Variants in ZNF624 observed in about 807,000 individuals in gnomAD.
ZNF624 encodes the protein zinc finger protein 624.
Under a neutral mutation model 74.7 loss-of-function variants are expected in ZNF624, and 43 were observed. The ratio of observed to expected loss-of-function variants is 0.58; its 90% confidence interval spans 0.45 to 0.74. The LOEUF is 0.74. Ranked by LOEUF, ZNF624 falls within the 30% of genes least tolerant of loss-of-function variation. The pLI is 0.00. For missense variants in ZNF624, 820 were observed against 1,030.0 expected, an observed-to-expected ratio of 0.80 and a Z score of 2.79; for synonymous variants, 331 against 341.3, an observed-to-expected ratio of 0.97 and a Z score of 0.33.
At position 16,622,442 on chromosome 17, in the gene ZNF624, T is replaced by A; in HGVS notation, c.2444A>T (p.Lys815Ile). 6.2e-7 allele frequency: 1 copy of A among 1,614,066 alleles called. No homozygotes were observed. The highest frequency in any genetic ancestry group is 8.5e-7 in the Non-Finnish European group (1 of 1,179,936). ...AAAGTCTGAGTTAGTTCTGAAGGCT[T>A]TTCCACATTCTTCACATTTATAGGG... is the stretch of plus-strand genomic sequence containing the variant. ...ERPYKCEECGKAFRTNSDFTV... is the reference protein window; with the variant it reads ...ERPYKCEECGIAFRTNSDFTV... The change falls in exon 6 of 6, where the codon AAA becomes ATA. Residue 815 changes from lysine (K) to isoleucine (I), a missense_variant. Lys to Ile is a moderately radical substitution (Grantham distance 102). Transcript: ENST00000311331.
In ZNF624 at chr17:16,647,390, G is replaced by C; in HGVS notation, c.92C>G (p.Pro31Arg). The C allele has an allele frequency of 6.2e-7, 1 of 1,614,030 alleles. No homozygotes were observed. Among genetic ancestry groups the C allele is most frequent in the East Asian group, 2.2e-5 (1 of 44,882 alleles). ...ATCTTCATCTGGCTGGGTAACTTCA[G>C]GGCTCTGATGGGATACAGGATAAGA... Reference protein sequence around the residue: ...AVFFSVGRLSPEVTQPDEDLH... With the variant: ...AVFFSVGRLSREVTQPDEDLH... The change falls in exon 3 of 6, where the codon CCT becomes CGT. Residue 31 changes from proline (P) to arginine (R), a missense_variant. Transcript: ENST00000311331.
chr17:16,653,290 T>C (rs962076965), intron 1 of ZNF624, among the ~76,000 whole-genome samples: 6 of 152,240 alleles, frequency 3.9e-5, no homozygotes, highest in African/African-American at 1.4e-4. Context: ...CCTAGTTCCA[T>C]CCCTGCCAGT....
intron 5 of ZNF624, among the ~76,000 whole-genome samples, chr17:16,633,362 A>G (rs1032659235): frequency 3.3e-5 from 5 of 152,200 alleles, no homozygotes; most frequent in African/African-American, 1.2e-4. Flanking sequence ...TTGTATTAGC[A>G]ATTAGTTAAA....
intron 5 of ZNF624, among the ~76,000 whole-genome samples, chr17:16,627,578 CTG>C (rs1279743160): frequency 6.6e-6 from 1 of 152,138 alleles, no homozygotes; most frequent in African/African-American, 2.4e-5. Flanking sequence ...CTTCAAATGC[CTG>C]TTAATTCTCT....
chr17:16,649,839 T>A, intron 1 of ZNF624, 93 bp from the exon 2 acceptor site: 2 of 941,032 alleles, frequency 2.1e-6, no homozygotes, highest in Non-Finnish European at 3.4e-6. Flanking sequence ...GAGCATGACC[T>A]CCCTAAGGAA....
chr17:16,649,576 T>G (rs1002603644), intron 2 of ZNF624, 82 bp downstream of exon 2: 1 of 1,266,688 alleles, frequency 7.9e-7, no homozygotes, highest in Non-Finnish European at 1.1e-6. Context: ...TCGGGGGAAG[T>G]AGAGAAGTCG....
At chr17:16,635,555 T>A (rs1909308616) in intron 3 of ZNF624, among the ~76,000 whole-genome samples, 1 of 152,150 alleles carries the variant, frequency 6.6e-6, no homozygotes, top group Non-Finnish European at 1.5e-5. Flanking sequence ...AGAGAGGAAC[T>A]ATTTTGAGTG....
At chr17:16,644,340 A>C (rs577887089) in intron 3 of ZNF624, among the ~76,000 whole-genome samples, 1 of 152,314 alleles carries the variant, frequency 6.6e-6, no homozygotes, top group Non-Finnish European at 1.5e-5. Context: ...TTATTCAGAA[A>C]CTGAACTTTG....
At chr17:16,626,201 T>G (rs1002774726) in intron 5 of ZNF624, among the ~76,000 whole-genome samples, 10 of 152,218 alleles carry the variant, frequency 6.6e-5, no homozygotes, top group Non-Finnish European at 1.5e-4. Flanking sequence ...TCCACCCTCC[T>G]CGGCCTTCCA....
At chr17:16,648,692 T>C (rs1438888820) in intron 2 of ZNF624, among the ~76,000 whole-genome samples, 1 of 152,244 alleles carries the variant, frequency 6.6e-6, no homozygotes, top group Non-Finnish European at 1.5e-5. Flanking sequence ...TCTGAATCTA[T>C]TTTAAAGTCA....
At position 16,623,407 on chromosome 17, in the gene ZNF624, A is replaced by G. The variant is rs750858099; in HGVS notation, c.1479T>C (p.Thr493=). The change falls in exon 6 of 6, where the codon ACT becomes ACC. Residue 493 remains threonine, a synonymous_variant. Transcript: ENST00000311331. The surrounding 1 kb of genome is among the most constrained non-coding windows in gnomAD (Gnocchi z 5.3). The part of the protein sequence containing the change: ...SNSSLIVHIR[T]HTGEKPYECN... ...ATTCATAGGGTTTTTCCCCAGTGTG[A>G]GTTCTTATATGTACGATAAGGCTTG... 1.2e-6 allele frequency: 2 copies of G among 1,613,936 alleles called. No homozygotes were observed. The highest frequency in any genetic ancestry group is 1.7e-5 in the Admixed American group (1 of 60,022).
At chr17:16,636,554 G>C (rs971669675) in intron 3 of ZNF624, among the ~76,000 whole-genome samples, 4 of 152,110 alleles carry the variant, frequency 2.6e-5, no homozygotes, top group Non-Finnish European at 5.9e-5. Context: ...AAAAATCTCA[G>C]GGCCGGGCGC....
At chr17:16,620,303 A>T (rs187845178), downstream of ZNF624, among the ~76,000 whole-genome samples, 2 of 152,296 alleles carry the variant, frequency 1.3e-5, no homozygotes, top group East Asian at 3.9e-4. Flanking sequence ...AGAACTTCCA[A>T]GCCCTCATTT....
chr17:16,617,113 G>C (rs1908806903), downstream of ZNF624: 3 of 1,612,994 alleles, frequency 1.9e-6, no homozygotes, highest in Admixed American at 3.3e-5. Context: ...ATGTGAATGG[G>C]AGCCCCGATC....
At position 16,642,914 on chromosome 17, in the gene ZNF624, G is replaced by C. The variant is rs931831421; in HGVS notation, c.153+4415C>G. Reference sequence around the variant, plus strand: ...ACAAGTGGCCAATAAGTATGCTCAAGAGAAGATGCTGGAAGTTCTTAGTAA... The same window carrying C: ...ACAAGTGGCCAATAAGTATGCTCAACAGAAGATGCTGGAAGTTCTTAGTAA... On this transcript the variant is annotated intron_variant, in intron 3 of 5. Coordinates refer to ENST00000311331, the MANE Select transcript of ZNF624 (RefSeq NM_020787.4). Among the ~76,000 whole-genome samples the C allele has an allele frequency of 2.0e-4, 30 of 152,182 alleles. 2 individuals are homozygous for C. Among genetic ancestry groups the C allele is most frequent in the Non-Finnish European group, 1.5e-5 (1 of 68,012 alleles).
chr17:16,628,636 A>C (rs1450904534), intron 5 of ZNF624, among the ~76,000 whole-genome samples: 2 of 152,194 alleles, frequency 1.3e-5, no homozygotes, highest in Non-Finnish European at 2.9e-5. Context: ...ACGTTAGAAA[A>C]GCAGAAGAGA....
At chr17:16,617,885 C>G, downstream of ZNF624, 4 of 1,578,374 alleles carry the variant, frequency 2.5e-6, no homozygotes, top group Non-Finnish European at 3.5e-6. Context: ...GCGGCATGTC[C>G]GTGGCGGGCG....
intron 5 of ZNF624, among the ~76,000 whole-genome samples, chr17:16,633,324 A>T (rs1312275714): frequency 6.6e-6 from 1 of 152,236 alleles, no homozygotes; most frequent in Non-Finnish European, 1.5e-5. Context: ...CATCAATACT[A>T]TATTTTGATT....
intron 5 of ZNF624, among the ~76,000 whole-genome samples, chr17:16,627,186 T>C (rs994516997): frequency 6.6e-6 from 1 of 152,208 alleles, no homozygotes; most frequent in Non-Finnish European, 1.5e-5. Flanking sequence ...AAAAATTTGC[T>C]GCAAAATGCA....
Sources: allele counts gnomAD v4.1 joint callset (sites outside exome capture counted in the v4.1 genomes callset), GRCh38; gene constraint gnomAD v4.1.1; non-coding constraint Gnocchi (gnomAD v3.1); transcripts MANE v1.5; gene names NCBI Gene and HGNC (gene_info 2026-07-23, HGNC 2026-07-21).